Variants in FGD4 observed in about 807,000 individuals in gnomAD.
FGD4 encodes the protein FYVE, RhoGEF and PH domain containing 4.
Under a neutral mutation model 102.0 loss-of-function variants are expected in FGD4, and 42 were observed. That is an observed-to-expected ratio of 0.41 (90% CI 0.32 to 0.53). The LOEUF (loss-of-function observed/expected upper bound fraction) is 0.53. FGD4 is among the 20% of genes least tolerant of loss of function. The probability of loss-of-function intolerance (pLI) is 0.21; values close to 1 mark genes in which losing one functional copy is unlikely to be tolerated. For synonymous variants in FGD4, 380 were observed against 375.7 expected (o/e 1.01, Z -0.13); for missense variants, 902 against 1,078.2 (o/e 0.84, Z 2.29).
intron 1 of FGD4, among the ~76,000 whole-genome samples, chr12:32,556,444 A>G (rs1944127506): frequency 6.6e-6 from 1 of 152,096 alleles, no homozygotes; most frequent in Non-Finnish European, 1.5e-5. Flanking sequence ...CAAAACCTTC[A>G]TTCCATTTTC....
chr12:32,581,094 GAAC>G (rs1331237251), intron 3 of FGD4, among the ~76,000 whole-genome samples: 3 of 152,150 alleles, frequency 2.0e-5, no homozygotes, highest in Non-Finnish European at 4.4e-5. Context: ...TGTGATACCT[GAAC>G]AGAACCCCGA....
rs1940560191 is a variant in FGD4 at position 32,399,569 on chromosome 12, G to A, written c.-225G>A. 8.8e-7 allele frequency: 1 copy of A among 1,130,346 alleles called. No homozygotes were observed. Among genetic ancestry groups the A allele is most frequent in the African/African-American group, 1.7e-5 (1 of 59,066 alleles). The allele number at this position is 1,130,346 out of a possible 1,614,324, so 70.0% of individuals were successfully genotyped here. ...TGAGTGCGGGAGCTGCAGATACCGA[G>A]ACGCTGCGACTGCCGCAGGAGTCGC... On this transcript the variant is annotated 5_prime_UTR_variant, in exon 1 of 17. Coordinates refer to ENST00000534526, the MANE Select transcript of FGD4 (RefSeq NM_001370298.3).
At chr12:32,448,384 C>T (rs1259287474) in intron 1 of FGD4, among the ~76,000 whole-genome samples, 2 of 151,958 alleles carry the variant, frequency 1.3e-5, no homozygotes, top group African/African-American at 2.4e-5. Flanking sequence ...TGGCTGGGCG[C>T]GGGTAGCTCA....
chr12:32,623,085 A>C (rs958660328), intron 11 of FGD4, among the ~76,000 whole-genome samples: 6 of 152,146 alleles, frequency 3.9e-5, no homozygotes, highest in Non-Finnish European at 7.3e-5. Context: ...TCAAGACTGA[A>C]GTACATTTGT....
At chr12:32,467,236 C>T (rs576846346) in intron 1 of FGD4, among the ~76,000 whole-genome samples, 35 of 151,988 alleles carry the variant, frequency 2.3e-4, no homozygotes, top group Non-Finnish European at 3.4e-4. Flanking sequence ...AAAAATAAAC[C>T]CTTTTTTCAT....
chr12:32,403,285 T>C (rs1278024726), intron 1 of FGD4, among the ~76,000 whole-genome samples: 2 of 152,166 alleles, frequency 1.3e-5, no homozygotes, highest in Non-Finnish European at 2.9e-5. Flanking sequence ...TATTCCTGAA[T>C]GTGAAGCTCC....
intron 4 of FGD4, among the ~76,000 whole-genome samples, chr12:32,590,442 T>C (rs954251092): frequency 3.3e-5 from 5 of 151,732 alleles, no homozygotes; most frequent in Admixed American, 2.0e-4. Context: ...TCTTGAGACC[T>C]CATGACCCTT....
At chr12:32,620,483 G>C (rs1949741052) in intron 11 of FGD4, among the ~76,000 whole-genome samples, 1 of 150,054 alleles carries the variant, frequency 6.7e-6, no homozygotes, top group Non-Finnish European at 1.5e-5. Context: ...TGGAGTTCTG[G>C]CTAACATTCC....
chr12:32,422,536 G>A (rs1296243333), intron 1 of FGD4, among the ~76,000 whole-genome samples: 1 of 150,604 alleles, frequency 6.6e-6, no homozygotes, highest in Non-Finnish European at 1.5e-5. Flanking sequence ...CTGACGTTGT[G>A]ATCCACCCGC....
At chr12:32,449,741 C>A (rs999373922) in intron 1 of FGD4, among the ~76,000 whole-genome samples, 3 of 151,672 alleles carry the variant, frequency 2.0e-5, no homozygotes, top group African/African-American at 7.3e-5. Context: ...TGTTTCATTT[C>A]TTTTCTTTTC....
At chr12:32,597,625 A>C (rs1436357977) in intron 4 of FGD4, among the ~76,000 whole-genome samples, 1 of 152,224 alleles carries the variant, frequency 6.6e-6, no homozygotes. Context: ...TAGTAGGCAC[A>C]GGAGATACAG....
At position 32,600,588 on chromosome 12, in the gene FGD4, C is replaced by CTT. The variant is rs1245510421; in HGVS notation, c.1102-688_1102-687dup. 230 of 257,766 alleles carry CTT rather than the reference C, an allele frequency of 8.9e-4. 2 individuals are homozygous for CTT. Among genetic ancestry groups the CTT allele is most frequent in the Non-Finnish European group, 9.4e-4 (166 of 176,204 alleles). 16.0% of individuals were successfully genotyped at this position (257,766 alleles called of 1,614,324 possible). On this transcript the variant is annotated intron_variant, in intron 5 of 16. Transcript: ENST00000534526. ...TTTGTTTTTCTTTCTTTCTTTCTTT[C>CTT]TTTCTTTTTTTTTTTTTTGTCTTCA...
chr12:32,480,795 G>A (rs1249371947), intron 1 of FGD4, among the ~76,000 whole-genome samples: 7 of 146,816 alleles, frequency 4.8e-5, no homozygotes, highest in Admixed American at 1.4e-4. Flanking sequence ...CACCACGCCC[G>A]GCCTTTTTTT....
Position 32,530,955 on chromosome 12 carries a change from T to G in FGD4, c.167-33182T>G, listed in dbSNP as rs1045679073. On this transcript the variant is annotated intron_variant, in intron 1 of 16. Coordinates refer to ENST00000534526, the MANE Select transcript of FGD4 (RefSeq NM_001370298.3). ...TCCTAGCTTTGGTTTTTTTTTTTTT[T>G]TTTTTTTTTTTTTTTGAGACAGAGC... Among the ~76,000 whole-genome samples, 37 of 130,994 alleles carry G rather than the reference T, an allele frequency of 2.8e-4. No homozygotes were observed. In the East Asian group the frequency reaches 3.5e-3, roughly 12 times the overall value. The allele number at this position is 130,994 out of a possible 152,430, so 85.9% of individuals were successfully genotyped here. A position where few individuals can be genotyped will look rare whatever the true frequency, so the allele number is the denominator to read the frequency against.
chr12:32,480,401 A>T lies in FGD4; in HGVS notation c.166+80442A>T, dbSNP rs190616498. On this transcript the variant is annotated intron_variant, in intron 1 of 16. Coordinates refer to ENST00000534526, the MANE Select transcript of FGD4 (RefSeq NM_001370298.3). ...ATGGTCTCGATCTCTTGTCTTCGTG[A>T]TCCGCCCACTTCGGCCTCCCAAAGT... Among the ~76,000 whole-genome samples, 734 of 151,842 alleles carry T rather than the reference A, an allele frequency of 4.8e-3. 3 individuals are homozygous for T. Among genetic ancestry groups the T allele is most frequent in the African/African-American group, 0.017 (705 of 41,382 alleles).
At position 32,611,158 on chromosome 12, in the gene FGD4, G is replaced by A; in HGVS notation, c.1624G>A (p.Glu542Lys). Residue 542 changes from glutamate to lysine, a missense_variant, in exon 10 of 17, where the codon GAG (glutamate) becomes AAG (lysine). Coordinates refer to ENST00000534526, the MANE Select transcript of FGD4 (RefSeq NM_001370298.3). Reference sequence around the variant, plus strand: ...CTAGGAGAACCTAAAGAAACTCTTAGAGATTTATGAAATGTTGGGAGAAGA... The same window carrying A: ...CTAGGAGAACCTAAAGAAACTCTTAAAGATTTATGAAATGTTGGGAGAAGA... ...RKMENLKKLL[E>K]IYEMLGEEED... 6.2e-7 allele frequency: 1 copy of A among 1,614,110 alleles called. No individual in the cohort carries two copies. The highest frequency in any genetic ancestry group is 8.5e-7 in the Non-Finnish European group (1 of 1,180,014).
intron 4 of FGD4, among the ~76,000 whole-genome samples, chr12:32,590,929 T>C (rs1241692963): frequency 1.3e-5 from 2 of 152,250 alleles, no homozygotes; most frequent in Admixed American, 6.5e-5. Context: ...AGACCAATTA[T>C]GTGACATTCA....
chr12:32,538,251 G>A (rs1053574959), intron 1 of FGD4, among the ~76,000 whole-genome samples: 4 of 152,076 alleles, frequency 2.6e-5, no homozygotes, highest in East Asian at 1.9e-4. Context: ...TTTTGTTGTG[G>A]TGTTCACTGC....
At chr12:32,524,189 G>C (rs1039200464) in intron 1 of FGD4, among the ~76,000 whole-genome samples, 1 of 151,682 alleles carries the variant, frequency 6.6e-6, no homozygotes, top group Non-Finnish European at 1.5e-5. Context: ...GAGGTCAGGA[G>C]ATCGAGACCA....
Sources: allele counts gnomAD v4.1 joint callset (sites outside exome capture counted in the v4.1 genomes callset), GRCh38; gene constraint gnomAD v4.1.1; transcripts MANE v1.5; gene names NCBI Gene and HGNC (gene_info 2026-07-23, HGNC 2026-07-21).